The following NAV2 variants were observed in gnomAD, a reference collection of about 807,000 sequenced individuals.
NAV2 encodes the protein neuron navigator 2.
NAV2 carries 54 observed loss-of-function variants against 223.2 expected under a neutral mutation model. That is an observed-to-expected ratio of 0.24 (90% confidence interval 0.19 to 0.30). NAV2 has a LOEUF of 0.30. Among genes scored for constraint, NAV2 ranks in the 10% least tolerant of loss-of-function variants. The pLI, the probability that NAV2 is intolerant of heterozygous loss-of-function variation, is 1.00. For synonymous variants in NAV2, 1,279 were observed against 1,239.3 expected, an observed-to-expected ratio of 1.03 and a Z score of -0.67; for missense variants, 2,806 against 3,147.5, an observed-to-expected ratio of 0.89 and a Z score of 2.60.
rs7120434 is a variant in NAV2, at chr11:19,688,632, G to T, written c.76-143852G>T. On this transcript the variant is annotated intron_variant, in intron 1 of 37. Coordinates refer to the NAV2 transcript ENST00000360655. The stretch of plus-strand genomic sequence containing the variant: ...GCTCTGCTATCAGGAAGCTTTGGAT[G>T]GTCCCTTTGCTCTGTGCACCAGTCA... 8.8e-3 allele frequency among the ~76,000 whole-genome samples: 1,345 copies of T among 152,256 alleles called. 9 individuals are homozygous for T. Among genetic ancestry groups the T allele is most frequent in the African/African-American group, 0.031 (1,276 of 41,558 alleles).
At chr11:19,776,581 T>G (rs897656161) in intron 1 of NAV2, among the ~76,000 whole-genome samples, 49 of 137,098 alleles carry the variant, frequency 3.6e-4, no homozygotes, top group South Asian at 2.4e-4. Flanking sequence ...GGCAGGGGTG[T>G]GTGTGTGTGT....
chr11:19,509,531 CT>C (rs1776156143), intron 1 of NAV2, among the ~76,000 whole-genome samples: 1 of 152,198 alleles, frequency 6.6e-6, no homozygotes, highest in South Asian at 2.1e-4. Context: ...GAAGATTTGG[CT>C]GATTTGGGCT....
At chr11:19,697,429 T>C (rs1044995346) in intron 1 of NAV2, among the ~76,000 whole-genome samples, 1 of 151,196 alleles carries the variant, frequency 6.6e-6, no homozygotes, top group Non-Finnish European at 1.5e-5. Context: ...TAATCTATAA[T>C]AAAATTTGAA....
At chr11:19,449,770 G>A (rs887317259) in intron 1 of NAV2, among the ~76,000 whole-genome samples, 2 of 152,144 alleles carry the variant, frequency 1.3e-5, no homozygotes, top group African/African-American at 4.8e-5. Context: ...CGCAGTGCCT[G>A]GCCCAGAGCA....
chr11:19,730,438 T>C (rs78897008), intron 1 of NAV2, among the ~76,000 whole-genome samples: 6,486 of 152,268 alleles, frequency 0.043, 234 homozygotes, highest in Middle Eastern at 0.12. Context: ...AATGGACCCA[T>C]TGAGGCTCCA....
At chr11:19,958,794 A>G (rs1397021354) in intron 10 of NAV2, among the ~76,000 whole-genome samples, 1 of 152,218 alleles carries the variant, frequency 6.6e-6, no homozygotes, top group African/African-American at 2.4e-5. Flanking sequence ...CCAATAGCCT[A>G]AGGACATACA....
chr11:19,555,678 A>G (rs2044860759), intron 1 of NAV2, among the ~76,000 whole-genome samples: 2 of 152,096 alleles, frequency 1.3e-5, no homozygotes, highest in Non-Finnish European at 2.9e-5. Flanking sequence ...TAGGTTGAAA[A>G]TGTGACTCCT....
Position 20,077,585 on chromosome 11 carries a change from G to C in NAV2, c.5017G>C (p.Gly1673Arg). ...TGTGGCAGCCTTTGAACAGAGTCTT[G>C]GTAACATGACAATCAGGCTCCAGAG... Reference protein sequence around the residue: ...HLVAAFEQSLGNMTIRLQSLT... With the variant: ...HLVAAFEQSLRNMTIRLQSLT... The change falls in exon 23 of 38, where the codon GGT (glycine) becomes CGT (arginine). Residue 1673 changes from glycine to arginine, a missense_variant. Coordinates refer to ENST00000349880, the MANE Select transcript of NAV2 (RefSeq NM_145117.5). 6.2e-7 allele frequency: 1 copy of C among 1,614,046 alleles called. No homozygotes were observed. Among genetic ancestry groups the C allele is most frequent in the Non-Finnish European group, 8.5e-7 (1 of 1,179,944 alleles).
chr11:19,940,397 CTTAA>C (rs1341134868), intron 8 of NAV2, among the ~76,000 whole-genome samples: 1 of 152,162 alleles, frequency 6.6e-6, no homozygotes, highest in African/African-American at 2.4e-5. Context: ...CTATCGCATT[CTTAA>C]TTAAAGAAGA....
chr11:19,480,362 G>A (rs972770476), intron 1 of NAV2, among the ~76,000 whole-genome samples: 9 of 152,070 alleles, frequency 5.9e-5, no homozygotes, highest in Non-Finnish European at 1.3e-4. Flanking sequence ...GAGGAAAAGT[G>A]GCCCTAGGGC....
chr11:19,526,525 C>T (rs900403405), intron 1 of NAV2, among the ~76,000 whole-genome samples: 54 of 151,964 alleles, frequency 3.6e-4, no homozygotes, highest in African/African-American at 1.3e-3. Context: ...TTTTTTCACC[C>T]ATTGTTTACT....
chr11:20,048,366 A>G (rs1046156675), intron 14 of NAV2, among the ~76,000 whole-genome samples: 2 of 152,208 alleles, frequency 1.3e-5, no homozygotes, highest in African/African-American at 4.8e-5. Context: ...GAAGACAACC[A>G]TCTTCCTGGG....
intron 1 of NAV2, among the ~76,000 whole-genome samples, chr11:19,457,238 G>A (rs1344133497): frequency 6.6e-6 from 1 of 152,206 alleles, no homozygotes; most frequent in Non-Finnish European, 1.5e-5. Flanking sequence ...GATAAATACT[G>A]TGAAGAAATC....
intron 1 of NAV2, among the ~76,000 whole-genome samples, chr11:19,644,926 GC>G (rs2047773327): frequency 1.3e-5 from 2 of 152,318 alleles, no homozygotes; most frequent in African/African-American, 4.8e-5. Flanking sequence ...GGTTGTGGTT[GC>G]CTGGAGCATT....
chr11:19,504,722 C>T (rs768610966), intron 1 of NAV2, among the ~76,000 whole-genome samples: 12 of 152,182 alleles, frequency 7.9e-5, no homozygotes, highest in African/African-American at 2.4e-4. Flanking sequence ...TCTGACCCAA[C>T]AAAATGGGGT....
chr11:19,516,313 T>A (rs1217217671), intron 1 of NAV2, among the ~76,000 whole-genome samples: 3 of 152,128 alleles, frequency 2.0e-5, no homozygotes, highest in African/African-American at 7.2e-5. Flanking sequence ...AGCCCCACAA[T>A]ACCGAATGAA....
At chr11:19,594,062 C>T (rs2046134707) in intron 1 of NAV2, among the ~76,000 whole-genome samples, 1 of 152,132 alleles carries the variant, frequency 6.6e-6, no homozygotes, top group Admixed American at 6.5e-5. Context: ...GAGAGGTTAG[C>T]ACTCTGTGTG....
At chr11:19,386,588 C>A (rs1849051480) in intron 1 of NAV2, among the ~76,000 whole-genome samples, 1 of 152,184 alleles carries the variant, frequency 6.6e-6, no homozygotes, top group African/African-American at 2.4e-5. Context: ...TGGACTGGTA[C>A]AGCTTTTAGT....
chr11:19,961,893 C>G (rs191289198), intron 10 of NAV2, among the ~76,000 whole-genome samples: 2 of 152,072 alleles, frequency 1.3e-5, no homozygotes, highest in African/African-American at 4.8e-5. Context: ...TAGCTCCTGG[C>G]TGGATCAGAG....
Sources: allele counts gnomAD v4.1 joint callset (sites outside exome capture counted in the v4.1 genomes callset), GRCh38; gene constraint gnomAD v4.1.1; transcripts MANE v1.5; gene names NCBI Gene and HGNC (gene_info 2026-07-23, HGNC 2026-07-21).